AVEN: variants seen among roughly 807,000 people sequenced by gnomAD.
AVEN encodes apoptosis and caspase activation inhibitor, also known as cell death regulator Aven.
A neutral mutation model predicts 38.1 loss-of-function variants in AVEN; 41 were observed. That is an observed-to-expected ratio of 1.08 (90% CI 0.84 to 1.40). AVEN has a LOEUF of 1.40. Among genes scored for constraint, AVEN ranks in the 40% most tolerant of loss-of-function variants. The pLI, the probability that AVEN is intolerant of heterozygous loss-of-function variation, is 0.00. For synonymous variants in AVEN, 206 were observed against 171.8 expected, an observed-to-expected ratio of 1.20 and a Z score of -1.56; for missense variants, 605 against 438.8, an observed-to-expected ratio of 1.38 and a Z score of -3.38.
At chr15:33,910,167 G>C (rs1002310504) in intron 2 of AVEN, among the ~76,000 whole-genome samples, 2 of 151,786 alleles carry the variant, frequency 1.3e-5, no homozygotes, top group Non-Finnish European at 2.9e-5. Context: ...TAGTAAGCAA[G>C]GTAGTACTTG....
chr15:33,875,664 C>T (rs185400787), intron 3 of AVEN, among the ~76,000 whole-genome samples: 4 of 152,260 alleles, frequency 2.6e-5, no homozygotes, highest in African/African-American at 4.8e-5. Flanking sequence ...GTCAAAATCA[C>T]GGCTATCAAG....
intron 11 of AVEN, among the ~76,000 whole-genome samples, chr15:33,860,386 A>C (rs1233996830): frequency 1.3e-5 from 2 of 152,216 alleles, no homozygotes; most frequent in Non-Finnish European, 2.9e-5. Flanking sequence ...AGTTAACAGC[A>C]CTGCATGGTG....
intron 1 of AVEN, 67 bp from the exon 2 acceptor site, chr15:34,003,276 A>G: frequency 6.9e-7 from 1 of 1,439,004 alleles, no homozygotes; most frequent in Non-Finnish European, 9.5e-7. Flanking sequence ...ACTTCCCAGT[A>G]AAACAAAAAA....
At chr15:34,028,426 T>C (rs1457097700) in intron 1 of AVEN, among the ~76,000 whole-genome samples, 1 of 152,106 alleles carries the variant, frequency 6.6e-6, no homozygotes, top group Non-Finnish European at 1.5e-5. Flanking sequence ...TAGCCAAGCA[T>C]GGTGGCACAC....
downstream of AVEN, chr15:33,854,730 A>T (rs376375066): frequency 3.1e-4 from 483 of 1,577,206 alleles, no homozygotes; most frequent in Non-Finnish European, 3.9e-4. Context: ...ACTATGAGGC[A>T]AACATGCTTA....
chr15:33,866,762 A>G (rs1220771734), intron 5 of AVEN, 34 bp from the exon 6 acceptor site: 2 of 1,465,400 alleles, frequency 1.4e-6, no homozygotes, highest in East Asian at 2.3e-5. Flanking sequence ...ACACCCTCAG[A>G]TGAGTCCTAA....
chr15:33,899,988 G>A (rs1892421804), intron 2 of AVEN, among the ~76,000 whole-genome samples: 1 of 151,074 alleles, frequency 6.6e-6, no homozygotes, highest in Admixed American at 6.6e-5. Context: ...GAAGTAAACA[G>A]AACAGAGAAT....
intron 2 of AVEN, among the ~76,000 whole-genome samples, chr15:33,984,169 G>C (rs1366328721): frequency 6.6e-6 from 1 of 152,024 alleles, no homozygotes; most frequent in Admixed American, 6.6e-5. Flanking sequence ...TCTTAGTTTT[G>C]ATAAAGATAC....
chr15:34,017,497 T>TTTTTTTTTG (rs1555516619), intron 1 of AVEN, among the ~76,000 whole-genome samples: 44 of 133,392 alleles, frequency 3.3e-4, no homozygotes, highest in Middle Eastern at 3.8e-3. Context: ...TTTTTTTTTT[T>TTTTTTTTTG]TTTGAGACAG....
At chr15:33,942,228 G>A (rs1461655662) in intron 2 of AVEN, among the ~76,000 whole-genome samples, 1 of 152,124 alleles carries the variant, frequency 6.6e-6, no homozygotes, top group Non-Finnish European at 1.5e-5. Flanking sequence ...TTCTATGTTT[G>A]TATAATTTTA....
chr15:33,962,919 CAAAAAAAAAAAAAAAAAAAAAA>C (rs57807791), intron 2 of AVEN, among the ~76,000 whole-genome samples: 3 of 81,948 alleles, frequency 3.7e-5, no homozygotes, highest in African/African-American at 1.1e-4. Context: ...AACTCGTTCT[CAAAAAAAAAAAAAAAAAAAAAA>C]AAAAAAAAAA....
chr15:33,876,435 G>A (rs375869813), intron 2 of AVEN, among the ~76,000 whole-genome samples: 1 of 151,712 alleles, frequency 6.6e-6, no homozygotes, highest in Non-Finnish European at 1.5e-5. Flanking sequence ...AGCTGGGCGT[G>A]GTGGCACGTG....
chr15:33,889,262 C>G (rs1342608560), intron 2 of AVEN, among the ~76,000 whole-genome samples: 1 of 152,170 alleles, frequency 6.6e-6, no homozygotes, highest in East Asian at 1.9e-4. Context: ...TTCAAAAACT[C>G]TAAAACCACA....
Position 34,063,614 on chromosome 15 carries a change from G to A in AVEN, n.1127-182C>T. 6.2e-7 allele frequency: 1 copy of A among 1,613,962 alleles called. No individual in the cohort carries two copies. ...GCGCCAATTGGGCCAAAGCTGAGCA[G>A]CTCACCACCTGTAGCAGCTACCCTT... On this transcript the variant is annotated intron_variant and non_coding_transcript_variant, in intron 4 of 11. Transcript: ENST00000675287. The surrounding 1 kb of genome is among the most constrained non-coding windows in gnomAD (Gnocchi z 4.1).
intron 1 of AVEN, among the ~76,000 whole-genome samples, chr15:34,028,253 G>T (rs539869529): frequency 6.6e-6 from 1 of 152,106 alleles, no homozygotes; most frequent in African/African-American, 2.4e-5. Context: ...TATATAGTTT[G>T]CATCTGACCT....
intron 1 of AVEN, among the ~76,000 whole-genome samples, chr15:34,012,873 T>C (rs1243819384): frequency 1.3e-5 from 2 of 152,218 alleles, no homozygotes; most frequent in Non-Finnish European, 2.9e-5. Context: ...TGGGGTTATG[T>C]TTACTCTTCA....
chr15:33,957,454 C>G (rs1396838005), intron 2 of AVEN, among the ~76,000 whole-genome samples: 1 of 152,136 alleles, frequency 6.6e-6, no homozygotes, highest in East Asian at 1.9e-4. Context: ...TAAAATTAAG[C>G]ATAAATTTAC....
intron 2 of AVEN, among the ~76,000 whole-genome samples, chr15:33,887,914 C>A (rs16958235): frequency 6.6e-6 from 1 of 151,868 alleles, no homozygotes; most frequent in African/African-American, 2.4e-5. Flanking sequence ...TCAAAGCTTC[C>A]GGGTCCAATG....
chr15:33,857,646 GC>G, downstream of AVEN: 1 of 1,067,580 alleles, frequency 9.4e-7, no homozygotes, highest in Non-Finnish European at 1.4e-6. Context: ...TTTCTTAGCC[GC>G]CCTCCACCCC....
Sources: gnomAD v4.1 joint callset for allele counts (sites outside exome capture counted in the v4.1 genomes callset) on GRCh38, gnomAD v4.1.1 for gene constraint, Gnocchi (gnomAD v3.1) non-coding constraint, MANE v1.5 for transcripts, NCBI Gene and HGNC (gene_info 2026-07-23, HGNC 2026-07-21) for gene names.